The following RAPGEF2 variants were observed in gnomAD, a reference collection of about 807,000 sequenced individuals.
RAPGEF2 encodes the protein Rap guanine nucleotide exchange factor 2, also known as PDZ domain containing guanine nucleotide exchange factor (GEF) 1.
RAPGEF2 carries 54 observed loss-of-function variants against 186.7 expected under a neutral mutation model. The ratio of observed to expected loss-of-function variants is 0.29; its 90% CI spans 0.23 to 0.36. The LOEUF (loss-of-function observed/expected upper bound fraction) is 0.36, where lower values mean the gene tolerates loss of function less well. RAPGEF2 is among the 10% of genes least tolerant of loss of function. RAPGEF2 has a pLI of 1.00. For missense variants in RAPGEF2, 1,532 were observed against 2,045.0 expected, an observed-to-expected ratio of 0.75 and a Z score of 4.84; for synonymous variants, 712 against 705.9, an observed-to-expected ratio of 1.01 and a Z score of -0.14.
At chr4:159,178,287 T>C (rs1008738109) in intron 1 of RAPGEF2, among the ~76,000 whole-genome samples, 3 of 152,170 alleles carry the variant, frequency 2.0e-5, no homozygotes, top group Admixed American at 2.0e-4. Context: ...TGCACCAGCA[T>C]ATGGTATGGG....
chr4:159,261,110 GA>G (rs371274271), intron 7 of RAPGEF2, among the ~76,000 whole-genome samples: 134 of 150,756 alleles, frequency 8.9e-4, no homozygotes, highest in African/African-American at 2.7e-3. Flanking sequence ...ACCCAGGCTG[GA>G]AGTGCAGTGG....
chr4:159,201,127 C>G (rs554136800), intron 3 of RAPGEF2, among the ~76,000 whole-genome samples: 157 of 152,234 alleles, frequency 1.0e-3, no homozygotes, highest in Non-Finnish European at 1.9e-3. Flanking sequence ...ATCTAGTGAG[C>G]TTGCTTTGTG....
At chr4:159,208,764 G>A (rs1750210955) in intron 3 of RAPGEF2, among the ~76,000 whole-genome samples, 1 of 152,018 alleles carries the variant, frequency 6.6e-6, no homozygotes, top group Non-Finnish European at 1.5e-5. Context: ...CTTATTCATG[G>A]CAGAGAGCAC....
In RAPGEF2 at chr4:159,322,403, G is replaced by A; in HGVS notation, c.910G>A (p.Val304Met). The A allele has an allele frequency of 6.2e-7, 1 of 1,613,982 alleles. No homozygotes were observed. The highest frequency in any genetic ancestry group is 1.3e-5 in the African/African-American group (1 of 75,044). Residue 304 changes from valine to methionine, a missense_variant, in exon 10 of 30, where the codon GTG (valine) becomes ATG (methionine). Val to Met is a conservative substitution (Grantham distance 21). This residue lies in a region of RAPGEF2 where 810 missense variants were observed against 1,210.5 expected (regional missense o/e 0.67). Transcript: ENST00000691494. Reference protein sequence around the residue: ...LPAFANMTMSVRRELCAVMVF... With the variant: ...LPAFANMTMSMRRELCAVMVF... ...TGCTTTTGCCAATATGACAATGTCA[G>A]TGAGGCGAGAACTCTGTGCTGTGAT...
At chr4:159,219,864 C>T (rs1048650963) in intron 4 of RAPGEF2, among the ~76,000 whole-genome samples, 11 of 152,158 alleles carry the variant, frequency 7.2e-5, no homozygotes, top group South Asian at 4.1e-4. Flanking sequence ...GTTTGATATG[C>T]GTATACTTCT....
chr4:159,192,812 AATG>A (rs1309913626), intron 2 of RAPGEF2, among the ~76,000 whole-genome samples: 1 of 152,158 alleles, frequency 6.6e-6, no homozygotes, highest in Non-Finnish European at 1.5e-5. Flanking sequence ...TGAATGAGTG[AATG>A]ATGTTATCAC....
intron 1 of RAPGEF2, among the ~76,000 whole-genome samples, chr4:159,144,277 C>G (rs573927885): frequency 8.5e-5 from 13 of 152,176 alleles, no homozygotes; most frequent in Non-Finnish European, 1.9e-4. Context: ...TTTGAGGTCT[C>G]TTCATATTGA....
chr4:159,287,615 TA>T (rs1760676156), intron 7 of RAPGEF2, among the ~76,000 whole-genome samples: 1 of 152,158 alleles, frequency 6.6e-6, no homozygotes, highest in South Asian at 2.1e-4. Context: ...GGAATTGAAG[TA>T]AAAATATGTT....
At chr4:159,224,158 C>T (rs1751796906) in intron 4 of RAPGEF2, among the ~76,000 whole-genome samples, 1 of 152,192 alleles carries the variant, frequency 6.6e-6, no homozygotes, top group African/African-American at 2.4e-5. Context: ...CTTGGCCTCC[C>T]AAAGTGCTGG....
At chr4:159,341,210 T>C (rs893436038) in intron 19 of RAPGEF2, among the ~76,000 whole-genome samples, 3 of 152,236 alleles carry the variant, frequency 2.0e-5, no homozygotes, top group Non-Finnish European at 4.4e-5. Context: ...CTTTCCTGCT[T>C]CCTGCCTTAG....
chr4:159,233,344 A>G (rs1752854403), intron 4 of RAPGEF2, among the ~76,000 whole-genome samples: 1 of 152,104 alleles, frequency 6.6e-6, no homozygotes, highest in Non-Finnish European at 1.5e-5. Context: ...CTTGTGCGGT[A>G]GGGGTCCAAT....
intron 1 of RAPGEF2, among the ~76,000 whole-genome samples, chr4:159,150,156 A>C: frequency 7.1e-6 from 1 of 140,116 alleles, no homozygotes; most frequent in African/African-American, 3.3e-5. Flanking sequence ...ACAGTATATA[A>C]ACAAAATAGT....
At chr4:159,172,127 C>T (rs538648301) in intron 1 of RAPGEF2, among the ~76,000 whole-genome samples, 13 of 152,310 alleles carry the variant, frequency 8.5e-5, no homozygotes, top group Admixed American at 1.3e-4. Flanking sequence ...CTTAATCTCT[C>T]ATTTTGCCAC....
intron 7 of RAPGEF2, 46 bp downstream of exon 7, chr4:159,243,837 G>A (rs773495805): frequency 7.9e-5 from 95 of 1,200,330 alleles, no homozygotes; most frequent in South Asian, 3.4e-4. Context: ...CTAAGTTTAC[G>A]TGTGAATTTG....
At chr4:159,302,476 G>A (rs1762787784) in intron 7 of RAPGEF2, among the ~76,000 whole-genome samples, 1 of 152,126 alleles carries the variant, frequency 6.6e-6, no homozygotes, top group South Asian at 2.1e-4. Flanking sequence ...ATAGAGTAAT[G>A]TTTCCCCAGT....
intron 17 of RAPGEF2, among the ~76,000 whole-genome samples, chr4:159,337,195 T>C (rs79381347): frequency 6.6e-6 from 1 of 152,206 alleles, no homozygotes; most frequent in African/African-American, 2.4e-5. Flanking sequence ...AAGTGAGTCA[T>C]TGGATTTCTG....
chr4:159,310,779 C>G (rs1186927709), intron 8 of RAPGEF2, among the ~76,000 whole-genome samples: 6 of 151,844 alleles, frequency 4.0e-5, no homozygotes, highest in Non-Finnish European at 5.9e-5. Context: ...CAAATATATC[C>G]AGATAAGCTT....
At position 159,356,001 on chromosome 4, in the gene RAPGEF2, A is replaced by C; in HGVS notation, c.4800A>C (p.Ala1600=). 1 of 1,612,930 alleles carries C rather than the reference A, an allele frequency of 6.2e-7. No homozygotes were observed. The highest frequency in any genetic ancestry group is 8.5e-7 in the Non-Finnish European group (1 of 1,179,682). ...NVALQRSRMV[A]RSSDTAGPSS... ...CCCTTCAGAGATCGCGGATGGTCGC[A>C]CGATCCTCCGACACAGCTGGGCCTT... The change falls in exon 29 of 30, where the codon GCA becomes GCC. Residue 1600 remains alanine (A), a synonymous_variant. Transcript: ENST00000691494.
chr4:159,233,137 G>A (rs1310909680), intron 4 of RAPGEF2, among the ~76,000 whole-genome samples: 1 of 152,042 alleles, frequency 6.6e-6, no homozygotes, highest in Non-Finnish European at 1.5e-5. Context: ...AAGGCCCTTC[G>A]ATGCAGAGTT....
Sources: gnomAD v4.1 joint callset for allele counts (sites outside exome capture counted in the v4.1 genomes callset) on GRCh38, gnomAD v4.1.1 for gene constraint, gnomAD v4.1.1 regional missense constraint, MANE v1.5 for transcripts, NCBI Gene and HGNC (gene_info 2026-07-23, HGNC 2026-07-21) for gene names.